CDC23: variants seen among roughly 807,000 people sequenced by gnomAD.
CDC23 encodes the protein cell division cycle 23, also known as cell division cycle protein 23 homolog.
CDC23 carries 26 observed loss-of-function variants against 81.7 expected under a neutral mutation model. That is an observed-to-expected ratio of 0.32 (90% CI 0.23 to 0.44). The LOEUF (loss-of-function observed/expected upper bound fraction) is 0.44, where lower values mean the gene tolerates loss of function less well. Among genes scored for constraint, CDC23 ranks in the 20% least tolerant of loss-of-function variants. The pLI is 1.00. For synonymous variants in CDC23, 267 were observed against 270.8 expected (o/e 0.99, Z 0.14); for missense variants, 519 against 728.0 (o/e 0.71, Z 3.30).
chr5:138,192,853 A>C (rs1754841795), intron 9 of CDC23, among the ~76,000 whole-genome samples, 196 bp from the exon 10 acceptor site: 1 of 152,232 alleles, frequency 6.6e-6, no homozygotes, highest in Admixed American at 6.5e-5. Context: ...TCCGGTTAAA[A>C]AAAAAAGTAT....
intron 6 of CDC23, among the ~76,000 whole-genome samples, chr5:138,199,044 G>A (rs1754953688): frequency 6.6e-6 from 1 of 152,152 alleles, no homozygotes; most frequent in African/African-American, 2.4e-5. Context: ...AATACAAAAG[G>A]GGAGAGGAAG....
chr5:138,201,511 T>C (rs2126586072), intron 4 of CDC23, 63 bp from the exon 5 acceptor site: 2 of 1,113,956 alleles, frequency 1.8e-6, no homozygotes, highest in Non-Finnish European at 1.3e-6. Flanking sequence ...TCTTATTTTA[T>C]TTATTTATTT....
intron 11 of CDC23, 63 bp from the exon 12 acceptor site, chr5:138,192,000 GA>G: frequency 7.4e-7 from 1 of 1,350,480 alleles, no homozygotes; most frequent in East Asian, 2.3e-5. Flanking sequence ...CTCTTTTGAG[GA>G]ACCAGTACAC....
Position 138,206,824 on chromosome 5 carries a change from C to T in CDC23, c.235-140G>A, listed in dbSNP as rs188637934. ...CCTAAAAACCTAGAATATGTAGATG[C>T]ATATATATATAATTTTATATATTTA... On this transcript the variant is annotated intron_variant, in intron 2 of 15. Coordinates refer to ENST00000394886, the MANE Select transcript of CDC23 (RefSeq NM_004661.4). 1,103 of 437,670 alleles carry T rather than the reference C, an allele frequency of 2.5e-3. 4 individuals are homozygous for T. Among genetic ancestry groups the T allele is most frequent in the African/African-American group, 0.011 (547 of 48,642 alleles). 27.1% of individuals were successfully genotyped at this position (437,670 alleles called of 1,614,324 possible).
Position 138,198,189 on chromosome 5 carries a change from T to G in CDC23, c.1012+10A>C, listed in dbSNP as rs754265451. On this transcript the variant is annotated intron_variant, in intron 9 of 15. Transcript: ENST00000394886. ...TAAATCTTAAAAGAAAAAATGTAGT[T>G]AATTCTTACCAATTACACAGCACGT... is the stretch of plus-strand genomic sequence containing the variant. 3 of 1,583,694 alleles carry G rather than the reference T, an allele frequency of 1.9e-6. No homozygotes were observed. The highest frequency in any genetic ancestry group is 2.6e-6 in the Non-Finnish European group (3 of 1,154,884).
At chr5:138,195,675 T>C (rs116824387) in intron 9 of CDC23, among the ~76,000 whole-genome samples, 12,909 of 111,058 alleles carry the variant, frequency 0.12, 1,021 homozygotes, top group South Asian at 0.21. Flanking sequence ...ATTTTATATA[T>C]GCATATATAC....
Position 138,191,518 on chromosome 5 carries a change from G to T in CDC23, c.1380C>A (p.Tyr460Ter). Residue 460 changes from tyrosine (Y) to a stop codon, truncating the protein, a stop_gained, in exon 13 of 16, where the codon TAC becomes TAA. Coordinates refer to ENST00000394886, the MANE Select transcript of CDC23 (RefSeq NM_004661.4). LOFTEE classifies it high-confidence loss of function. ...CCATTTTCTCCACATCTCCCACGGC[G>T]TAAGCTCTCCAATAACACTGTCAAA... ...VEAKKCYWRA[Y>*]AVGDVEKMAL... 6.2e-7 allele frequency: 1 copy of T among 1,614,010 alleles called. No individual in the cohort carries two copies. Among genetic ancestry groups the T allele is most frequent in the Non-Finnish European group, 8.5e-7 (1 of 1,179,910 alleles).
intron 3 of CDC23, 163 bp downstream of exon 3, chr5:138,206,384 C>A (rs1363557960): frequency 1.4e-5 from 10 of 704,370 alleles, no homozygotes; most frequent in Admixed American, 1.0e-4. Context: ...CTCTACCATC[C>A]TTTTTAACTT....
chr5:138,199,726 T>C (rs773956737), intron 6 of CDC23, among the ~76,000 whole-genome samples: 1 of 152,258 alleles, frequency 6.6e-6, no homozygotes, highest in Non-Finnish European at 1.5e-5. Context: ...TAAAAGTCTA[T>C]CAAGTTGGGA....
intron 2 of CDC23, among the ~76,000 whole-genome samples, chr5:138,210,343 G>A (rs1755100880): frequency 6.6e-6 from 1 of 151,758 alleles, no homozygotes; most frequent in Admixed American, 6.6e-5. Flanking sequence ...TGGCCAACAC[G>A]GTGAAACCCC....
At chr5:138,199,149 G>T (rs565568525) in intron 6 of CDC23, among the ~76,000 whole-genome samples, 5 of 152,304 alleles carry the variant, frequency 3.3e-5, no homozygotes, top group African/African-American at 1.2e-4. Context: ...AAACTAGCTT[G>T]GTTTGCGGGG....
chr5:138,190,382 T>C lies in CDC23; in HGVS notation c.1425-476A>G, dbSNP rs186723316. Among the ~76,000 whole-genome samples, 554 of 150,652 alleles carry C rather than the reference T, an allele frequency of 3.7e-3. 3 individuals carry two copies. Among genetic ancestry groups the C allele is most frequent in the African/African-American group, 0.013 (527 of 40,934 alleles). ...CTGGAGCAGGAGAATTGCTTTAACT[T>C]GGAAGGTGGAGGTTGCAGTGAGCCA... is the stretch of plus-strand genomic sequence containing the variant. On this transcript the variant is annotated intron_variant, in intron 13 of 15. Coordinates refer to ENST00000394886, the MANE Select transcript of CDC23 (RefSeq NM_004661.4).
rs1754802276 is a variant in CDC23, at chr5:138,189,539, G to A, written c.1623+94C>T. 4.0e-6 allele frequency: 5 copies of A among 1,263,680 alleles called. No individual in the cohort carries two copies. In the South Asian group the frequency reaches 5.6e-5, roughly 14 times the overall value. 78.3% of individuals were successfully genotyped at this position (1,263,680 alleles called of 1,614,324 possible). A position where few individuals can be genotyped will look rare whatever the true frequency, so the allele number is the denominator to read the frequency against. The stretch of plus-strand genomic sequence containing the variant: ...CTCCCAAAGTGTTGGGATTATAGGT[G>A]TGAGCCGCTTGCCTGGCCAAGGTAG... On this transcript the variant is annotated intron_variant, in intron 15 of 15. Transcript: ENST00000394886.
intron 9 of CDC23, among the ~76,000 whole-genome samples, chr5:138,193,882 C>A (rs1364075430): frequency 1.3e-5 from 2 of 151,590 alleles, no homozygotes; most frequent in African/African-American, 4.9e-5. Context: ...CGCTTGAACC[C>A]AGGAGGCAGA....
intron 13 of CDC23, 31 bp from the exon 14 acceptor site, chr5:138,189,937 T>C (rs752548554): frequency 6.3e-7 from 1 of 1,597,754 alleles, no homozygotes; most frequent in South Asian, 1.1e-5. Flanking sequence ...TAAATACCAA[T>C]GATATCCCAA....
chr5:138,190,463 A>AG (rs1221137767), intron 13 of CDC23, among the ~76,000 whole-genome samples: 2 of 147,684 alleles, frequency 1.4e-5, no homozygotes, highest in African/African-American at 2.5e-5. Flanking sequence ...GACTCCAAAA[A>AG]AAGAAAAAAA....
intron 4 of CDC23, among the ~76,000 whole-genome samples, chr5:138,201,882 T>C (rs984786945): frequency 1.3e-5 from 2 of 152,230 alleles, no homozygotes; most frequent in African/African-American, 4.8e-5. Context: ...AGCTTCAGGT[T>C]GCAGGGAACA....
intron 3 of CDC23, chr5:138,205,888 T>A (rs1755042920): frequency 6.6e-6 from 1 of 152,138 alleles, no homozygotes; most frequent in Admixed American, 6.6e-5. Flanking sequence ...CACTGCAGCA[T>A]TTTTTATTTC....
intron 13 of CDC23, 117 bp from the exon 14 acceptor site, chr5:138,190,023 A>G: frequency 5.2e-6 from 4 of 772,524 alleles, no homozygotes; most frequent in Non-Finnish European, 8.9e-6. Context: ...CAATTTTGAC[A>G]TAAATGACAC....
Sources: allele counts gnomAD v4.1 joint callset (sites outside exome capture counted in the v4.1 genomes callset), GRCh38; gene constraint gnomAD v4.1.1; transcripts MANE v1.5; gene names NCBI Gene and HGNC (gene_info 2026-07-23, HGNC 2026-07-21).